RIMS1: variants seen among roughly 807,000 people sequenced by gnomAD.
RIMS1 encodes regulating synaptic membrane exocytosis protein 1.
RIMS1 carries 83 observed loss-of-function variants against 214.1 expected under a neutral mutation model. That is an observed-to-expected ratio of 0.39 (90% CI 0.32 to 0.47). The LOEUF is 0.47. RIMS1 is among the 20% of genes least tolerant of loss of function. The pLI, the probability that RIMS1 is intolerant of heterozygous loss-of-function variation, is 0.99. For missense variants in RIMS1, 2,050 were observed against 2,161.8 expected (o/e 0.95, Z 1.03); for synonymous variants, 793 against 786.8 (o/e 1.01, Z -0.13).
At chr6:72,057,593 C>T (rs1192239361) in intron 2 of RIMS1, among the ~76,000 whole-genome samples, 2 of 151,228 alleles carry the variant, frequency 1.3e-5, no homozygotes, top group African/African-American at 2.4e-5. Context: ...CTGCAAGCTC[C>T]GCCTCCCAGG....
chr6:72,189,768 C>T (rs183577380), intron 6 of RIMS1, among the ~76,000 whole-genome samples: 20 of 152,236 alleles, frequency 1.3e-4, no homozygotes, highest in Non-Finnish European at 1.5e-4. Flanking sequence ...CCACTGTGTT[C>T]ATGGGCCCAT....
chr6:72,333,413 T>C (rs1477468760), intron 28 of RIMS1, among the ~76,000 whole-genome samples, 187 bp from the exon 29 acceptor site: 1 of 151,918 alleles, frequency 6.6e-6, no homozygotes, highest in Non-Finnish European at 1.5e-5. Flanking sequence ...TTAAGCCATG[T>C]CTAGTAATAA....
At position 72,314,240 on chromosome 6, in the gene RIMS1, T is replaced by C. The variant is rs577434708; in HGVS notation, c.4130+568T>C. 9.2e-5 allele frequency among the ~76,000 whole-genome samples: 14 copies of C among 152,338 alleles called. No homozygotes were observed. In the South Asian group the frequency reaches 2.7e-3, roughly 29 times the overall value. ...AGACCCCAGACATCCAAGTGCTATC[T>C]AAACTAAAGCAGATTGATTATGGAC... On this transcript the variant is annotated intron_variant, in intron 28 of 33. Coordinates refer to ENST00000521978, the MANE Select transcript of RIMS1 (RefSeq NM_014989.7).
chr6:71,979,701 T>G (rs1798030670), intron 2 of RIMS1, among the ~76,000 whole-genome samples: 1 of 152,124 alleles, frequency 6.6e-6, no homozygotes, highest in East Asian at 1.9e-4. Context: ...GATGTAAAAA[T>G]GCATAGAATC....
At chr6:71,896,639 C>T (rs981754341) in intron 1 of RIMS1, among the ~76,000 whole-genome samples, 1 of 152,074 alleles carries the variant, frequency 6.6e-6, no homozygotes, top group African/African-American at 2.4e-5. Flanking sequence ...ATGACATACG[C>T]ACTTTGGGAA....
intron 6 of RIMS1, among the ~76,000 whole-genome samples, chr6:72,192,705 T>A (rs935933088): frequency 6.6e-6 from 1 of 152,202 alleles, no homozygotes; most frequent in African/African-American, 2.4e-5. Context: ...ATGCCCACCT[T>A]GCCTTTGATG....
At chr6:72,067,841 C>A (rs1829678656) in intron 2 of RIMS1, among the ~76,000 whole-genome samples, 1 of 152,152 alleles carries the variant, frequency 6.6e-6, no homozygotes, top group Admixed American at 6.5e-5. Context: ...CTGTTATATT[C>A]TTCATTAATG....
At chr6:71,958,411 G>A (rs1342092779) in intron 1 of RIMS1, among the ~76,000 whole-genome samples, 1 of 152,082 alleles carries the variant, frequency 6.6e-6, no homozygotes, top group African/African-American at 2.4e-5. Flanking sequence ...ATATAAGAAC[G>A]TGTGCTTCCT....
In RIMS1 at chr6:71,903,026, C is replaced by A. The variant is rs559808302; in HGVS notation, c.164+15839C>A. On this transcript the variant is annotated intron_variant, in intron 1 of 33. Transcript: ENST00000521978. ...TCTTTATAATATGATGATTTATATT[C>A]CTTTGGGCATATACCCAGTGATGGG... Among the ~76,000 whole-genome samples the A allele has an allele frequency of 9.9e-4, 150 of 152,144 alleles. 1 individual carries two copies. Among genetic ancestry groups the A allele is most frequent in the Middle Eastern group, 3.4e-3 (1 of 294 alleles).
chr6:72,277,022 A>G (rs780275041), intron 23 of RIMS1, among the ~76,000 whole-genome samples: 1 of 152,232 alleles, frequency 6.6e-6, no homozygotes, highest in Non-Finnish European at 1.5e-5. Context: ...AACTTTGGAT[A>G]TCTTCTATCA....
chr6:72,297,559 G>A (rs1207032587), intron 26 of RIMS1, among the ~76,000 whole-genome samples: 1 of 151,980 alleles, frequency 6.6e-6, no homozygotes, highest in African/African-American at 2.4e-5. Flanking sequence ...TGCAGAACAT[G>A]TCAGTTTGTT....
intron 4 of RIMS1, among the ~76,000 whole-genome samples, chr6:72,114,834 T>TA (rs1259587120): frequency 1.3e-5 from 2 of 151,968 alleles, no homozygotes; most frequent in African/African-American, 2.4e-5. Context: ...GGAGCTGTCT[T>TA]ATCAAACCTA....
chr6:72,211,141 TA>T (rs1314471955), intron 6 of RIMS1, among the ~76,000 whole-genome samples: 2 of 152,214 alleles, frequency 1.3e-5, no homozygotes, highest in African/African-American at 4.8e-5. Context: ...TTGGTATTAC[TA>T]AAAGGATCTG....
chr6:72,232,197 C>A (rs1310571702), intron 6 of RIMS1, among the ~76,000 whole-genome samples: 1 of 151,518 alleles, frequency 6.6e-6, no homozygotes, highest in Non-Finnish European at 1.5e-5. Context: ...CAAAATGAAT[C>A]AGCATTCAGG....
At chr6:72,177,174 G>A (rs1305115711) in intron 4 of RIMS1, among the ~76,000 whole-genome samples, 1 of 151,912 alleles carries the variant, frequency 6.6e-6, no homozygotes, top group African/African-American at 2.4e-5. Flanking sequence ...TGTGTTTTCT[G>A]GTTTTTTAAA....
chr6:71,970,901 A>T (rs1333059739), intron 2 of RIMS1, among the ~76,000 whole-genome samples: 1 of 152,220 alleles, frequency 6.6e-6, no homozygotes, highest in East Asian at 1.9e-4. Context: ...ACAAAAATAA[A>T]TTGGGAGGGG....
intron 26 of RIMS1, among the ~76,000 whole-genome samples, chr6:72,297,007 A>G (rs1199293487): frequency 6.6e-6 from 1 of 151,924 alleles, no homozygotes; most frequent in African/African-American, 2.4e-5. Context: ...GTTATGCATT[A>G]TGTATCTCGG....
At chr6:72,355,762 A>G (rs1008114065) in intron 29 of RIMS1, among the ~76,000 whole-genome samples, 3 of 152,118 alleles carry the variant, frequency 2.0e-5, no homozygotes, top group Admixed American at 1.3e-4. Context: ...TGAGCTCCCT[A>G]TGAAGTCTTC....
At chr6:72,347,671 A>G (rs574711139) in intron 29 of RIMS1, among the ~76,000 whole-genome samples, 10 of 151,916 alleles carry the variant, frequency 6.6e-5, no homozygotes, top group Middle Eastern at 3.4e-3. Context: ...CATCAGACCT[A>G]TCTTCCTGGG....
Sources: allele counts gnomAD v4.1 joint callset (sites outside exome capture counted in the v4.1 genomes callset), GRCh38; gene constraint gnomAD v4.1.1; transcripts MANE v1.5; gene names NCBI Gene and HGNC (gene_info 2026-07-23, HGNC 2026-07-21).